CARF: variants seen among roughly 807,000 people sequenced by gnomAD.
CARF encodes calcium responsive transcription factor.
In CARF, 57 loss-of-function variants were observed where a neutral mutation model predicts 82.0. The ratio of observed to expected loss-of-function variants is 0.70; its 90% CI spans 0.56 to 0.87. The LOEUF is 0.87. CARF is among the 40% of genes least tolerant of loss of function. The probability of loss-of-function intolerance (pLI) is 0.00; values close to 1 mark genes in which losing one functional copy is unlikely to be tolerated. For missense variants in CARF, 771 were observed against 855.8 expected (o/e 0.90, Z 1.24); for synonymous variants, 268 against 290.1 (o/e 0.92, Z 0.77).
intron 14 of CARF, among the ~76,000 whole-genome samples, chr2:202,979,291 AG>A: frequency 6.6e-6 from 1 of 152,228 alleles, no homozygotes; most frequent in South Asian, 2.1e-4. Context: ...TAAGAATAAG[AG>A]GTTGTGATCA....
chr2:202,942,655 A>G (rs1299876265), intron 4 of CARF, 85 bp from the exon 5 acceptor site: 9 of 1,133,426 alleles, frequency 7.9e-6, no homozygotes, highest in Non-Finnish European at 1.1e-5. Flanking sequence ...AACAACTGAA[A>G]AATGGATGTC....
chr2:202,927,323 C>T (rs1237667185), intron 3 of CARF, among the ~76,000 whole-genome samples: 1 of 148,950 alleles, frequency 6.7e-6, no homozygotes, highest in Non-Finnish European at 1.5e-5. Flanking sequence ...TTAATTCAGT[C>T]TTTTTTTTTT....
At chr2:202,950,871 T>C (rs937833208) in intron 5 of CARF, among the ~76,000 whole-genome samples, 7 of 152,174 alleles carry the variant, frequency 4.6e-5, no homozygotes, top group African/African-American at 9.6e-5. Context: ...TGGCAGGACA[T>C]TTTTATCTCA....
chr2:202,980,616 G>GTATGTATA (rs2060211121), intron 14 of CARF, among the ~76,000 whole-genome samples: 1 of 42,664 alleles, frequency 2.3e-5, no homozygotes, highest in Admixed American at 2.5e-4. Flanking sequence ...CGTCTTTCAA[G>GTATGTATA]TATATATATA....
At chr2:202,980,048 C>T (rs1291465471) in intron 14 of CARF, among the ~76,000 whole-genome samples, 1 of 152,128 alleles carries the variant, frequency 6.6e-6, no homozygotes, top group Non-Finnish European at 1.5e-5. Flanking sequence ...TCCTCTGCCT[C>T]CTGGGCTCCA....
At position 202,967,891 on chromosome 2, in the gene CARF, T is replaced by G. The variant is rs2059619262; in HGVS notation, c.953+793T>G. 2.0e-5 allele frequency among the ~76,000 whole-genome samples: 3 copies of G among 152,348 alleles called. No individual in the cohort carries two copies. In the South Asian group the frequency reaches 6.2e-4, roughly 32 times the overall value. On this transcript the variant is annotated intron_variant, in intron 10 of 16. Coordinates refer to ENST00000438828, the MANE Select transcript of CARF (RefSeq NM_024744.17). ...TAGATTAGGACTACAGAGTAGTCAT[T>G]GCTCTTGGTAAGAATGAAAAATGTG... is the stretch of plus-strand genomic sequence containing the variant.
chr2:202,968,295 G>A (rs149268645), intron 10 of CARF, among the ~76,000 whole-genome samples: 12,667 of 152,100 alleles, frequency 0.083, 690 homozygotes, highest in Non-Finnish European at 0.12. Context: ...CCAGCTACTC[G>A]GGAGGCTGAG....
intron 2 of CARF, among the ~76,000 whole-genome samples, chr2:202,919,043 A>G (rs1196460764): frequency 6.6e-6 from 1 of 152,130 alleles, no homozygotes; most frequent in East Asian, 1.9e-4. Flanking sequence ...TAACTAGTGT[A>G]CTTACCTAAG....
At chr2:202,948,474 T>C (rs2058606202) in intron 5 of CARF, among the ~76,000 whole-genome samples, 1 of 152,188 alleles carries the variant, frequency 6.6e-6, no homozygotes, top group Admixed American at 6.5e-5. Context: ...ATTGATTCTT[T>C]CTGTCCATGA....
rs751635415 is a variant in CARF, at chr2:202,967,035, TA to T, written c.897del (p.Val300SerfsTer55). ...QYGPRRKGFQ[L>X]KKVSEQESRS... ...GGGCCAAGAAGAAAAGGTTTCCAGT[TA>T]AAAAAAGTCAGTGAGCAGGAAAGCA... On this transcript the variant is annotated frameshift_variant, in exon 10 of 17. Coordinates refer to ENST00000438828, the MANE Select transcript of CARF (RefSeq NM_024744.17). LOFTEE classifies it high-confidence loss of function. The T allele has an allele frequency of 3.1e-6, 5 of 1,614,022 alleles. No homozygotes were observed. Among genetic ancestry groups the T allele is most frequent in the East Asian group, 2.2e-5 (1 of 44,842 alleles).
intron 3 of CARF, among the ~76,000 whole-genome samples, chr2:202,932,647 TGCA>T (rs374632298): frequency 9.2e-5 from 14 of 151,622 alleles, no homozygotes; most frequent in South Asian, 2.1e-4. Context: ...TGAGGCCAGT[TGCA>T]GCAGCAGCAG....
chr2:202,941,894 G>T lies in CARF; in HGVS notation c.-9G>T. ...AATAGAAGAAAATGGAATTGAATAT[G>T]ATGTCAGCATGGAACAATCTAATGA... is the stretch of plus-strand genomic sequence containing the variant. On this transcript the variant is annotated 5_prime_UTR_variant, in exon 4 of 17. The change abolishes an upstream ATG in the 5' untranslated region. Coordinates refer to ENST00000438828, the MANE Select transcript of CARF (RefSeq NM_024744.17). 6.2e-7 allele frequency: 1 copy of T among 1,606,662 alleles called. No individual in the cohort carries two copies. The highest frequency in any genetic ancestry group is 8.5e-7 in the Non-Finnish European group (1 of 1,174,218).
chr2:202,939,030 CA>C (rs2058087794), intron 3 of CARF, among the ~76,000 whole-genome samples: 1 of 152,122 alleles, frequency 6.6e-6, no homozygotes, highest in Non-Finnish European at 1.5e-5. Flanking sequence ...TACCTAGGCT[CA>C]GGGGTGTTTT....
intron 13 of CARF, 142 bp from the exon 14 acceptor site, chr2:202,977,127 C>G (rs2060066487): frequency 1.6e-6 from 1 of 638,000 alleles, no homozygotes; most frequent in Non-Finnish European, 2.8e-6. Flanking sequence ...TATACTTGTG[C>G]TTGAAGAATA....
intron 8 of CARF, among the ~76,000 whole-genome samples, chr2:202,959,045 A>C (rs2105874824): frequency 6.6e-6 from 1 of 152,134 alleles, no homozygotes; most frequent in South Asian, 2.1e-4. Context: ...TTCAGATTTG[A>C]CTAAAGTGTA....
chr2:202,915,006 T>G (rs954562499), intron 1 of CARF, among the ~76,000 whole-genome samples: 7 of 151,712 alleles, frequency 4.6e-5, no homozygotes, highest in Admixed American at 2.6e-4. Context: ...GGTGGTGGTG[T>G]TTGTTGTTTT....
intron 10 of CARF, among the ~76,000 whole-genome samples, chr2:202,967,999 A>G (rs1217654117): frequency 6.6e-6 from 1 of 152,226 alleles, no homozygotes; most frequent in African/African-American, 2.4e-5. Flanking sequence ...AAATATATTG[A>G]AAGTGTTTTA....
At chr2:202,926,357 TG>T (rs1691825509) in intron 3 of CARF, among the ~76,000 whole-genome samples, 1 of 152,236 alleles carries the variant, frequency 6.6e-6, no homozygotes, top group Non-Finnish European at 1.5e-5. Context: ...CTAGTTCAAT[TG>T]TTTTTTCAAA....
chr2:202,929,881 T>C (rs1033914964), intron 3 of CARF, among the ~76,000 whole-genome samples: 1 of 151,620 alleles, frequency 6.6e-6, no homozygotes. Flanking sequence ...ATGTGTGCCA[T>C]TGTACCCAGC....
Sources: allele counts gnomAD v4.1 joint callset (sites outside exome capture counted in the v4.1 genomes callset), GRCh38; gene constraint gnomAD v4.1.1; transcripts MANE v1.5; gene names NCBI Gene and HGNC (gene_info 2026-07-23, HGNC 2026-07-21).